VSTM5: variants seen among roughly 807,000 people sequenced by gnomAD.
The protein encoded by VSTM5 is V-set and transmembrane domain-containing protein 5.
In VSTM5, 21 loss-of-function variants were observed where a neutral mutation model predicts 20.3. The observed-to-expected ratio is 1.03, with a 90% CI of 0.73 to 1.49. The LOEUF is 1.49. Ranked by LOEUF, VSTM5 falls within the 40% of genes most tolerant of loss-of-function variation. The pLI is 0.00. For synonymous variants in VSTM5, 100 were observed against 102.5 expected (o/e 0.98, Z 0.14); for missense variants, 219 against 250.0 (o/e 0.88, Z 0.84).
chr11:93,848,955 C>T (rs918524528), intron 1 of VSTM5, among the ~76,000 whole-genome samples: 33 of 152,276 alleles, frequency 2.2e-4, no homozygotes, highest in African/African-American at 6.7e-4. Flanking sequence ...TCCACCTGCT[C>T]GAGACTAACA....
intron 1 of VSTM5, among the ~76,000 whole-genome samples, chr11:93,847,928 T>G (rs1320538353): frequency 6.6e-6 from 1 of 152,238 alleles, no homozygotes; most frequent in East Asian, 1.9e-4. Flanking sequence ...TTTCTTGCTG[T>G]GTCCTCACAC....
chr11:93,847,932 C>T (rs1944427096), intron 1 of VSTM5, among the ~76,000 whole-genome samples: 1 of 152,148 alleles, frequency 6.6e-6, no homozygotes, highest in Non-Finnish European at 1.5e-5. Context: ...TTGCTGTGTC[C>T]TCACACAGCT....
Position 93,820,851 on chromosome 11 carries a change from CAG to C in VSTM5, c.449_450del (p.Ala150GlyfsTer21). 6.4e-7 allele frequency: 1 copy of C among 1,550,558 alleles called. No homozygotes were observed. Among genetic ancestry groups the C allele is most frequent in the Non-Finnish European group, 8.7e-7 (1 of 1,146,982 alleles). ...ACAGCAGCGAGAAAAGCAAGGATGA[CAG>C]CGACAAAGTGCAGGTCTTCATAGAG... ...EILYEDLHFV[A>X]VILAFLAAVA... On this transcript the variant is annotated frameshift_variant, in exon 3 of 4. Transcript: ENST00000409977. LOFTEE classifies it high-confidence loss of function.
chr11:93,835,618 G>A (rs1415716109), intron 1 of VSTM5, among the ~76,000 whole-genome samples: 1 of 152,102 alleles, frequency 6.6e-6, no homozygotes, highest in Non-Finnish European at 1.5e-5. Flanking sequence ...ATGCAGCTCT[G>A]AGTCCAGTTA....
Position 93,850,415 on chromosome 11 carries a change from G to T in VSTM5, c.88C>A (p.Gln30Lys). The T allele has an allele frequency of 6.5e-7, 1 of 1,548,634 alleles. No individual in the cohort carries two copies. Among genetic ancestry groups the T allele is most frequent in the Admixed American group, 2.0e-5 (1 of 50,802 alleles). Residue 30 changes from glutamine to lysine, a missense_variant, in exon 1 of 4, where the codon CAG (glutamine) becomes AAG (lysine). Coordinates refer to ENST00000409977, the MANE Select transcript of VSTM5 (RefSeq NM_001144871.2). Reference sequence around the variant, plus strand: ...CGGGGCGTCCCCCGGAGCTTACTCTGCAGACAGCGGGCTGCGGCCAGGCAG... The same window carrying T: ...CGGGGCGTCCCCCGGAGCTTACTCTTCAGACAGCGGGCTGCGGCCAGGCAG... ...ALCLAAARCLQSQGVSLYIPQ... is the reference protein window; with the variant it reads ...ALCLAAARCLKSQGVSLYIPQ...
Position 93,821,338 on chromosome 11 carries a change from G to A in VSTM5, c.92-15C>T, listed in dbSNP as rs1252759348. The A allele has an allele frequency of 1.0e-5, 16 of 1,544,910 alleles. No individual in the cohort carries two copies. Among genetic ancestry groups the A allele is most frequent in the Middle Eastern group, 1.7e-4 (1 of 5,974 alleles). On this transcript the variant is annotated splice_polypyrimidine_tract_variant and intron_variant, in intron 1 of 3. Transcript: ENST00000409977. ...CACACCCTGACCTGCAGGATGATAT[G>A]CTGGATGTTGGGCACATATATATGG... is the stretch of plus-strand genomic sequence containing the variant.
intron 1 of VSTM5, among the ~76,000 whole-genome samples, chr11:93,840,705 A>G (rs1275016596): frequency 2.0e-5 from 3 of 152,164 alleles, no homozygotes; most frequent in African/African-American, 7.2e-5. Flanking sequence ...GGTTCTCAGC[A>G]TTTGGCTCCA....
At chr11:93,846,339 G>C (rs534733288) in intron 1 of VSTM5, among the ~76,000 whole-genome samples, 1 of 152,194 alleles carries the variant, frequency 6.6e-6, no homozygotes, top group African/African-American at 2.4e-5. Context: ...ACTCAGGAAG[G>C]CTCTTGGAGA....
intron 1 of VSTM5, among the ~76,000 whole-genome samples, chr11:93,830,480 T>C (rs972501707): frequency 4.3e-4 from 66 of 152,220 alleles, no homozygotes; most frequent in African/African-American, 1.5e-3. Flanking sequence ...AGAGAATTGT[T>C]GTCCTATTCA....
chr11:93,825,625 C>G (rs1944226599), intron 1 of VSTM5, among the ~76,000 whole-genome samples: 2 of 152,180 alleles, frequency 1.3e-5, no homozygotes, highest in African/African-American at 4.8e-5. Flanking sequence ...TCTTCAGTTT[C>G]CTTTGTCACT....
intron 1 of VSTM5, among the ~76,000 whole-genome samples, chr11:93,825,367 A>G (rs1944224008): frequency 6.6e-6 from 1 of 152,108 alleles, no homozygotes; most frequent in Admixed American, 6.6e-5. Flanking sequence ...ACAGGTTTTC[A>G]CCATGTTGTA....
intron 1 of VSTM5, among the ~76,000 whole-genome samples, chr11:93,824,330 T>C (rs1385754090): frequency 1.3e-5 from 2 of 152,206 alleles, no homozygotes; most frequent in African/African-American, 4.8e-5. Context: ...CCAACATTTG[T>C]CACCTTGTCT....
At chr11:93,847,209 A>T (rs1030469037) in intron 1 of VSTM5, among the ~76,000 whole-genome samples, 3 of 152,190 alleles carry the variant, frequency 2.0e-5, no homozygotes, top group Non-Finnish European at 4.4e-5. Flanking sequence ...TTGATCAGGG[A>T]TCAGTGCACG....
At chr11:93,842,516 T>C (rs1199650311) in intron 1 of VSTM5, among the ~76,000 whole-genome samples, 3 of 152,240 alleles carry the variant, frequency 2.0e-5, no homozygotes, top group Non-Finnish European at 4.4e-5. Flanking sequence ...ACTGCCGTGA[T>C]TCTGATCAGA....
At chr11:93,834,743 A>G (rs181986099) in intron 1 of VSTM5, among the ~76,000 whole-genome samples, 13,079 of 145,804 alleles carry the variant, frequency 0.09, 819 homozygotes, top group Non-Finnish European at 0.14. Context: ...AGATTGTGCC[A>G]CTGCACTCCA....
At chr11:93,840,174 T>C (rs1944359429) in intron 1 of VSTM5, among the ~76,000 whole-genome samples, 1 of 152,236 alleles carries the variant, frequency 6.6e-6, no homozygotes, top group East Asian at 1.9e-4. Flanking sequence ...GCAAATGCCC[T>C]TCTGTGGCTT....
rs1196134944 is a variant in VSTM5 at position 93,834,740 on chromosome 11, G to A, written c.92-13417C>T. Among the ~76,000 whole-genome samples the A allele has an allele frequency of 1.7e-4, 23 of 135,202 alleles. 2 individuals are homozygous for A. The South Asian group carries it at 3.0e-3, about 18-fold the overall frequency. 88.7% of individuals were successfully genotyped at this position (135,202 alleles called of 152,430 possible). A position where few individuals can be genotyped will look rare whatever the true frequency, so the allele number is the denominator to read the frequency against. ...AGAGGTTGCAGTGAGCTGAGATTGT[G>A]CCACTGCACTCCAGCCTGGGCGACA... is the stretch of plus-strand genomic sequence containing the variant. On this transcript the variant is annotated intron_variant, in intron 1 of 3. Coordinates refer to ENST00000409977, the MANE Select transcript of VSTM5 (RefSeq NM_001144871.2).
rs1235920068 is a variant in VSTM5, at chr11:93,850,443, GGCGAA to G, written c.55_59del (p.Phe19ProfsTer36). Reference sequence around the variant, plus strand: ...GACAGCGGGCTGCGGCCAGGCAGAGGGCGAAGAGTCCTAGGGAGATGCCTCGGGTC... The same window carrying G: ...GACAGCGGGCTGCGGCCAGGCAGAGGGAGTCCTAGGGAGATGCCTCGGGTC... On this transcript the variant is annotated frameshift_variant, in exon 1 of 4. Coordinates refer to ENST00000409977, the MANE Select transcript of VSTM5 (RefSeq NM_001144871.2). LOFTEE classifies it high-confidence loss of function. The G allele has an allele frequency of 6.5e-7, 1 of 1,549,480 alleles. No individual in the cohort carries two copies. The highest frequency in any genetic ancestry group is 1.4e-5 in the African/African-American group (1 of 72,970).
intron 2 of VSTM5, 49 bp from the exon 3 acceptor site, chr11:93,820,932 T>A (rs1944177381): frequency 1.3e-6 from 2 of 1,550,740 alleles, no homozygotes; most frequent in African/African-American, 2.7e-5. Context: ...TCTTTTAATA[T>A]CGTGAAATTG....
Sources: gnomAD v4.1 joint callset for allele counts (sites outside exome capture counted in the v4.1 genomes callset) on GRCh38, gnomAD v4.1.1 for gene constraint, MANE v1.5 for transcripts, NCBI Gene and HGNC (gene_info 2026-07-23, HGNC 2026-07-21) for gene names.